The following CPEB2 variants were observed in gnomAD, a reference collection of about 807,000 sequenced individuals.
CPEB2 encodes cytoplasmic polyadenylation element-binding protein 2.
In CPEB2, 56 loss-of-function variants were observed where a neutral mutation model predicts 93.6. The ratio of observed to expected loss-of-function variants is 0.60; its 90% CI spans 0.48 to 0.75. The LOEUF is 0.75. Among genes scored for constraint, CPEB2 ranks in the 30% least tolerant of loss-of-function variants. The probability of loss-of-function intolerance (pLI) is 0.00; values close to 1 mark genes in which losing one functional copy is unlikely to be tolerated. For missense variants in CPEB2, 1,579 were observed against 1,395.1 expected, an observed-to-expected ratio of 1.13 and a Z score of -2.10; for synonymous variants, 764 against 586.3, an observed-to-expected ratio of 1.30 and a Z score of -4.38.
chr4:15,031,452 T>C (rs1173136512), intron 4 of CPEB2, among the ~76,000 whole-genome samples: 2 of 152,198 alleles, frequency 1.3e-5, no homozygotes, highest in South Asian at 2.1e-4. Context: ...AAAGCTGTGC[T>C]TCCTGGCTGT....
At chr4:15,058,362 A>T in intron 8 of CPEB2, 59 bp from the exon 9 acceptor site, 3 of 909,868 alleles carry the variant, frequency 3.3e-6, no homozygotes, top group Non-Finnish European at 5.3e-6. Context: ...AATAGTACTG[A>T]AATTTGGAGT....
chr4:15,038,943 C>T (rs1726909022), intron 5 of CPEB2, among the ~76,000 whole-genome samples: 1 of 152,126 alleles, frequency 6.6e-6, no homozygotes, highest in Admixed American at 6.5e-5. Flanking sequence ...TCTGATTTTT[C>T]AGTTGATCTC....
Position 15,003,564 on chromosome 4 carries a change from C to T in CPEB2, c.891C>T (p.Pro297=). 1 of 1,467,656 alleles carries T rather than the reference C, an allele frequency of 6.8e-7. No individual in the cohort carries two copies. Among genetic ancestry groups the T allele is most frequent in the Non-Finnish European group, 9.0e-7 (1 of 1,113,450 alleles). The allele number at this position is 1,467,656 out of a possible 1,614,324, so 90.9% of individuals were successfully genotyped here. ...AAGEGSAAES[P]NAGLASSTPV... The stretch of plus-strand genomic sequence containing the variant: ...GCGAGGGCAGCGCCGCCGAGTCCCC[C>T]AATGCGGGCTTGGCCTCCTCGACGC... The change falls in exon 1 of 12, where the codon CCC becomes CCT. Residue 297 remains proline (P), a synonymous_variant. Coordinates refer to ENST00000538197, the MANE Select transcript of CPEB2 (RefSeq NM_001177382.2).
In CPEB2 at chr4:15,018,520, A is replaced by T. The variant is rs202174953; in HGVS notation, c.2125+1242A>T. ...TTTCCTTTTAACCAAAGTTCAGCTTAGTTTTTTGAGTATCTTTGTATAGGG... is the reference window on the plus strand; with the variant it reads ...TTTCCTTTTAACCAAAGTTCAGCTTTGTTTTTTGAGTATCTTTGTATAGGG... On this transcript the variant is annotated intron_variant, in intron 4 of 11. Transcript: ENST00000538197. 5.4e-5 allele frequency among the ~76,000 whole-genome samples: 8 copies of T among 148,664 alleles called. No individual in the cohort carries two copies. The East Asian group carries it at 9.8e-4, about 18-fold the overall frequency.
intron 6 of CPEB2, among the ~76,000 whole-genome samples, chr4:15,044,868 A>G (rs1210091526): frequency 6.6e-6 from 1 of 152,174 alleles, no homozygotes; most frequent in African/African-American, 2.4e-5. Flanking sequence ...CATAGGGGAT[A>G]GCCATTATTC....
chr4:15,021,193 A>G (rs1339056580), intron 4 of CPEB2, among the ~76,000 whole-genome samples: 6 of 152,072 alleles, frequency 3.9e-5, no homozygotes, highest in Non-Finnish European at 8.8e-5. Context: ...TTTAGTATGA[A>G]TGGCACTGAC....
intron 4 of CPEB2, among the ~76,000 whole-genome samples, chr4:15,030,389 A>T (rs1187613980): frequency 6.6e-6 from 1 of 152,034 alleles, no homozygotes; most frequent in Non-Finnish European, 1.5e-5. Flanking sequence ...TTACCTATTT[A>T]ACTTTTTGTG....
rs765327899 is a variant in CPEB2 at position 15,003,112 on chromosome 4, CCCTCCTCCT to C, written c.445_453del (p.Ser149_Ser151del). The C allele has an allele frequency of 6.5e-7, 1 of 1,533,132 alleles. No individual in the cohort carries two copies. The highest frequency in any genetic ancestry group is 8.7e-7 in the Non-Finnish European group (1 of 1,145,784). 95.0% of individuals were successfully genotyped at this position (1,533,132 alleles called of 1,614,324 possible). On this transcript the variant is annotated inframe_deletion, in exon 1 of 12. Coordinates refer to ENST00000538197, the MANE Select transcript of CPEB2 (RefSeq NM_001177382.2). Reference sequence around the variant, plus strand: ...GGACTTCAAACCGAGTCTGCACCACCCCTCCTCCTCCTCCGCCTCCTCCTGCTGCTGCTG... The same window carrying C: ...GGACTTCAAACCGAGTCTGCACCACCCCTCCGCCTCCTCCTGCTGCTGCTG...
At chr4:15,047,152 C>T (rs771378894) in intron 6 of CPEB2, among the ~76,000 whole-genome samples, 2 of 152,172 alleles carry the variant, frequency 1.3e-5, no homozygotes, top group Non-Finnish European at 2.9e-5. Flanking sequence ...ATCAGTTTTA[C>T]AGTCTCAATA....
chr4:15,058,249 T>A (rs1728886917), intron 8 of CPEB2, among the ~76,000 whole-genome samples, 172 bp from the exon 9 acceptor site: 1 of 152,238 alleles, frequency 6.6e-6, no homozygotes, highest in South Asian at 2.1e-4. Flanking sequence ...AGTATCTGTT[T>A]TAATGTGTAT....
chr4:15,009,480 A>G (rs938945967), intron 3 of CPEB2, among the ~76,000 whole-genome samples: 38 of 152,140 alleles, frequency 2.5e-4, no homozygotes, highest in African/African-American at 7.7e-4. Flanking sequence ...TAAGTTAGCT[A>G]TTTACCTCTA....
chr4:15,024,336 T>G (rs1291006556), intron 4 of CPEB2, among the ~76,000 whole-genome samples: 1 of 152,164 alleles, frequency 6.6e-6, no homozygotes, highest in Admixed American at 6.5e-5. Context: ...GACATACATT[T>G]TGAGACACTA....
intron 6 of CPEB2, among the ~76,000 whole-genome samples, chr4:15,041,433 G>A (rs1308406284): frequency 6.7e-6 from 1 of 149,524 alleles, no homozygotes; most frequent in Non-Finnish European, 1.5e-5. Context: ...ACGGAGTTTC[G>A]CTCTTGTTGC....
At chr4:15,052,384 G>A in intron 6 of CPEB2, 30 bp from the exon 7 acceptor site, 3 of 1,350,386 alleles carry the variant, frequency 2.2e-6, no homozygotes, top group Non-Finnish European at 2.9e-6. Context: ...TCAGATCTGA[G>A]ATTCAAGTTG....
At chr4:15,048,529 CT>C (rs1312753212) in intron 6 of CPEB2, among the ~76,000 whole-genome samples, 3 of 151,778 alleles carry the variant, frequency 2.0e-5, no homozygotes, top group Non-Finnish European at 4.4e-5. Flanking sequence ...TCTTTTTAAT[CT>C]TTTAATGTTT....
chr4:15,003,178 C>T lies in CPEB2; in HGVS notation c.505C>T (p.Arg169Trp), dbSNP rs1722216305. The change falls in exon 1 of 12, where the codon CGG becomes TGG. Residue 169 changes from arginine (R) to tryptophan (W), a missense_variant. Around this residue, in one of 2 missense-constraint regions of CPEB2, gnomAD observed 1,411 missense variants for 1,056.0 expected, o/e 1.34. Transcript: ENST00000538197. ...RTSSPQDFSKRQQQQLSSQKR... is the reference protein window; with the variant it reads ...RTSSPQDFSKWQQQQLSSQKR... Reference sequence around the variant, plus strand: ...CTCCTCCCCGCAGGACTTCAGTAAGCGGCAGCAGCAGCAGCTGAGCAGCCA... The same window carrying T: ...CTCCTCCCCGCAGGACTTCAGTAAGTGGCAGCAGCAGCAGCTGAGCAGCCA... 1.3e-6 allele frequency: 2 copies of T among 1,533,956 alleles called. No homozygotes were observed. The highest frequency in any genetic ancestry group is 1.7e-4 in the Middle Eastern group (1 of 5,978).
intron 4 of CPEB2, among the ~76,000 whole-genome samples, chr4:15,022,088 C>A (rs150085038): frequency 9.7e-4 from 147 of 152,184 alleles, no homozygotes; most frequent in Middle Eastern, 6.8e-3. Flanking sequence ...TAAGAACTGT[C>A]GAGCCAGACA....
intron 3 of CPEB2, among the ~76,000 whole-genome samples, chr4:15,014,576 A>T (rs569435097): frequency 8.5e-5 from 13 of 152,160 alleles, no homozygotes; most frequent in African/African-American, 3.1e-4. Flanking sequence ...TTAACATTTG[A>T]CTACCTGTTC....
chr4:15,011,105 T>C (rs972198788), intron 3 of CPEB2, among the ~76,000 whole-genome samples: 17 of 148,188 alleles, frequency 1.1e-4, no homozygotes, highest in East Asian at 7.8e-4. Flanking sequence ...TCTTTTCTTT[T>C]TTTTTTTTTT....
Sources: allele counts gnomAD v4.1 joint callset (sites outside exome capture counted in the v4.1 genomes callset), GRCh38; gene constraint gnomAD v4.1.1; regional missense constraint gnomAD v4.1.1; transcripts MANE v1.5; gene names NCBI Gene and HGNC (gene_info 2026-07-23, HGNC 2026-07-21).